PBX4: variants seen among roughly 807,000 people sequenced by gnomAD.
The protein encoded by PBX4 is pre-B-cell leukemia transcription factor 4.
Under a neutral mutation model 35.1 loss-of-function variants are expected in PBX4, and 26 were observed. The observed-to-expected ratio is 0.74, with a 90% CI of 0.54 to 1.03. The LOEUF (loss-of-function observed/expected upper bound fraction) is 1.03, where lower values mean the gene tolerates loss of function less well. PBX4 is among the 50% of genes least tolerant of loss of function. PBX4 has a pLI of 0.00. For missense variants in PBX4, 448 were observed against 504.3 expected, an observed-to-expected ratio of 0.89 and a Z score of 1.07; for synonymous variants, 199 against 204.2, an observed-to-expected ratio of 0.97 and a Z score of 0.22.
At chr19:19,603,561 G>A (rs2144778393) in intron 1 of PBX4, among the ~76,000 whole-genome samples, 2 of 152,230 alleles carry the variant, frequency 1.3e-5, no homozygotes, top group East Asian at 3.9e-4. Flanking sequence ...CATGAGCCAC[G>A]GTGCCCAGCC....
In PBX4 at chr19:19,569,511, G is replaced by C. The variant is rs778805645; in HGVS notation, c.706C>G (p.Pro236Ala). 4 of 1,613,792 alleles carry C rather than the reference G, an allele frequency of 2.5e-6. No individual in the cohort carries two copies. The highest frequency in any genetic ancestry group is 2.2e-5 in the South Asian group (2 of 91,044). The change falls in exon 5 of 8, where the codon CCT becomes GCT. Residue 236 changes from proline (P) to alanine (A), a missense_variant. By Grantham distance (27) the Pro-to-Ala change is conservative (BLOSUM62 -1). Transcript: ENST00000251203. ...NEYFYSHLNNPYPSEEAKEEL... is the reference protein window; with the variant it reads ...NEYFYSHLNNAYPSEEAKEEL... ...TCTTTGGCTTCTTCGCTGGGGTAAG[G>C]GTTGTTCAGATGGGAGTAAAAATAC...
At chr19:19,610,309 A>C (rs2144790723) in intron 1 of PBX4, among the ~76,000 whole-genome samples, 1 of 152,198 alleles carries the variant, frequency 6.6e-6, no homozygotes, top group Non-Finnish European at 1.5e-5. Context: ...GCTACTCGGA[A>C]GGCTGAGGCA....
chr19:19,607,811 G>T (rs1168913695), intron 1 of PBX4, among the ~76,000 whole-genome samples: 1 of 152,082 alleles, frequency 6.6e-6, no homozygotes, highest in East Asian at 1.9e-4. Context: ...TAAATTACTT[G>T]GGAATTTCAT....
intron 1 of PBX4, among the ~76,000 whole-genome samples, chr19:19,610,022 G>A (rs2061654628): frequency 6.6e-6 from 1 of 152,198 alleles, no homozygotes; most frequent in Admixed American, 6.5e-5. Flanking sequence ...TTGCTCCTTT[G>A]TGAAATTCTA....
intron 2 of PBX4, among the ~76,000 whole-genome samples, chr19:19,586,410 C>A (rs1172418993): frequency 1.3e-5 from 2 of 151,968 alleles, no homozygotes; most frequent in Admixed American, 6.6e-5. Context: ...CAGAGCAAGA[C>A]CCTGTCTCAA....
At chr19:19,594,172 G>A (rs1344284035) in intron 2 of PBX4, among the ~76,000 whole-genome samples, 3 of 151,746 alleles carry the variant, frequency 2.0e-5, no homozygotes, top group Admixed American at 1.3e-4. Context: ...TTGGGAGGCC[G>A]AGGCGGGCGG....
chr19:19,585,551 G>C (rs982487006), intron 2 of PBX4, among the ~76,000 whole-genome samples: 2 of 151,980 alleles, frequency 1.3e-5, no homozygotes, highest in Admixed American at 6.6e-5. Context: ...AGTGTGTCAG[G>C]CCTCTGAGCC....
intron 5 of PBX4, among the ~76,000 whole-genome samples, chr19:19,568,403 A>G (rs1398004042): frequency 1.4e-5 from 2 of 141,270 alleles, no homozygotes; most frequent in African/African-American, 2.6e-5. Flanking sequence ...CTCACACTCC[A>G]TCTGTATCCC....
intron 2 of PBX4, among the ~76,000 whole-genome samples, chr19:19,588,831 T>G (rs1192147520): frequency 6.6e-6 from 1 of 152,186 alleles, no homozygotes; most frequent in Admixed American, 6.6e-5. Context: ...CCCAAGGAAC[T>G]GATCTATCAA....
chr19:19,570,104 C>A lies in PBX4; in HGVS notation c.632+5G>T. The A allele has an allele frequency of 6.3e-7, 1 of 1,595,588 alleles. No homozygotes were observed. The highest frequency in any genetic ancestry group is 8.5e-7 in the Non-Finnish European group (1 of 1,169,644). On this transcript the variant is annotated splice_donor_5th_base_variant and intron_variant, in intron 4 of 7. Coordinates refer to ENST00000251203, the MANE Select transcript of PBX4 (RefSeq NM_025245.3). Reference sequence around the variant, plus strand: ...TTGAGGTTTTGGGTACGTACAGGCCCTGACCTGGCATCGAGCAGCCGCGAA... The same window carrying A: ...TTGAGGTTTTGGGTACGTACAGGCCATGACCTGGCATCGAGCAGCCGCGAA...
chr19:19,602,922 T>A (rs535411416), intron 1 of PBX4, among the ~76,000 whole-genome samples: 1 of 152,274 alleles, frequency 6.6e-6, no homozygotes, highest in South Asian at 2.1e-4. Flanking sequence ...AGCCAATAAT[T>A]TCCCAGCCCT....
At chr19:19,594,949 T>C (rs1457983855) in intron 2 of PBX4, among the ~76,000 whole-genome samples, 1 of 152,216 alleles carries the variant, frequency 6.6e-6, no homozygotes, top group Non-Finnish European at 1.5e-5. Context: ...CTCGAACTCC[T>C]GATCTCAGGT....
chr19:19,570,545 C>T lies in PBX4; in HGVS notation c.441+41G>A, dbSNP rs367948342. On this transcript the variant is annotated intron_variant, in intron 3 of 7. Transcript: ENST00000251203. The stretch of plus-strand genomic sequence containing the variant: ...GTTCCGTGTTTCGCTTTGACAAATG[C>T]GCATTCACATGACAGAAACTCTTCC... The T allele has an allele frequency of 3.7e-5, 60 of 1,603,412 alleles. No homozygotes were observed. In the East Asian group the frequency reaches 4.5e-4, roughly 12 times the overall value.
In PBX4 at chr19:19,570,700, G is replaced by A; in HGVS notation, c.327C>T (p.Gly109=). 1 of 1,614,130 alleles carries A rather than the reference G, an allele frequency of 6.2e-7. No homozygotes were observed. The highest frequency in any genetic ancestry group is 1.3e-5 in the African/African-American group (1 of 75,030). ...RGRGGAVARA[G]TATPGGCPND... ...TTGGACAGCCACCTGGTGTTGCTGT[G>A]CCGGCCCTGGCCACCGCTCCTCCTC... The change falls in exon 3 of 8, where the codon GGC becomes GGT. Residue 109 remains glycine, a synonymous_variant. Transcript: ENST00000251203.
chr19:19,589,480 A>G (rs2061512790), intron 2 of PBX4, among the ~76,000 whole-genome samples: 1 of 151,834 alleles, frequency 6.6e-6, no homozygotes, highest in Non-Finnish European at 1.5e-5. Context: ...AAAGAAAAAA[A>G]AGTTCTGGTC....
At chr19:19,590,874 G>A (rs1599364574) in intron 2 of PBX4, among the ~76,000 whole-genome samples, 2 of 152,238 alleles carry the variant, frequency 1.3e-5, no homozygotes, top group Non-Finnish European at 2.9e-5. Flanking sequence ...AGACACTTTG[G>A]CAATGATAGG....
chr19:19,570,554 A>G lies in PBX4; in HGVS notation c.441+32T>C, dbSNP rs200084157. ...TTCGCTTTGACAAATGCGCATTCAC[A>G]TGACAGAAACTCTTCCATGCAGAAA... On this transcript the variant is annotated intron_variant, in intron 3 of 7. Transcript: ENST00000251203. 1,333 of 1,606,542 alleles carry G rather than the reference A, an allele frequency of 8.3e-4. 3 individuals are homozygous for G. The highest frequency in any genetic ancestry group is 1.8e-3 in the Middle Eastern group (11 of 6,032).
At chr19:19,606,042 G>A (rs1297076583) in intron 1 of PBX4, among the ~76,000 whole-genome samples, 1 of 152,140 alleles carries the variant, frequency 6.6e-6, no homozygotes, top group Non-Finnish European at 1.5e-5. Context: ...GTGAGGAAAA[G>A]GGGACTGACT....
intron 2 of PBX4, among the ~76,000 whole-genome samples, chr19:19,584,145 C>G (rs536619137): frequency 1.5e-4 from 23 of 151,792 alleles, no homozygotes; most frequent in Admixed American, 8.5e-4. Context: ...GGTGGAGGCT[C>G]GAGAACCGCT....
Sources: gnomAD v4.1 joint callset for allele counts (sites outside exome capture counted in the v4.1 genomes callset) on GRCh38, gnomAD v4.1.1 for gene constraint, MANE v1.5 for transcripts, NCBI Gene and HGNC (gene_info 2026-07-23, HGNC 2026-07-21) for gene names.